BRINP3: variants seen among roughly 807,000 people sequenced by gnomAD.
BRINP3 encodes the protein BMP/retinoic acid inducible neural specific 3, also known as BMP/retinoic acid-inducible neural-specific protein 3.
A neutral mutation model predicts 71.0 loss-of-function variants in BRINP3; 19 were observed. The ratio of observed to expected loss-of-function variants is 0.27; its 90% CI spans 0.19 to 0.39. BRINP3 has a LOEUF of 0.39. Among genes scored for constraint, BRINP3 ranks in the 10% least tolerant of loss-of-function variants. BRINP3 has a pLI of 1.00. For missense variants in BRINP3, 959 were observed against 940.8 expected (o/e 1.02, Z -0.25); for synonymous variants, 380 against 337.7 (o/e 1.13, Z -1.37).
At chr1:190,442,775 TTGTG>T (rs912399268) in intron 2 of BRINP3, among the ~76,000 whole-genome samples, 2 of 148,964 alleles carry the variant, frequency 1.3e-5, no homozygotes, top group African/African-American at 2.5e-5. Flanking sequence ...TGTGGTTACT[TTGTG>T]TGTATTTTCT....
At chr1:190,136,344 G>C (rs572114457) in intron 7 of BRINP3, among the ~76,000 whole-genome samples, 1 of 151,990 alleles carries the variant, frequency 6.6e-6, no homozygotes, top group Non-Finnish European at 1.5e-5. Flanking sequence ...GGGTTGATTT[G>C]GGTTGCTGGG....
rs563328016 is a variant in BRINP3 at position 190,158,494 on chromosome 1, A to G, written c.1184+2174T>C. Among the ~76,000 whole-genome samples, 13 of 152,208 alleles carry G rather than the reference A, an allele frequency of 8.5e-5. No individual in the cohort carries two copies. The South Asian group carries it at 1.0e-3, about 12-fold the overall frequency. Reference sequence around the variant, plus strand: ...GAGAAAGTGAGGGGGCCAATTATTGAAAACCACTGGGTACTATGCTCACTA... The same window carrying G: ...GAGAAAGTGAGGGGGCCAATTATTGGAAACCACTGGGTACTATGCTCACTA... On this transcript the variant is annotated intron_variant, in intron 7 of 7. Transcript: ENST00000367462.
chr1:190,155,465 G>A (rs1656782033), intron 7 of BRINP3, among the ~76,000 whole-genome samples: 1 of 152,024 alleles, frequency 6.6e-6, no homozygotes, highest in Non-Finnish European at 1.5e-5. Context: ...TTTTCCTAAA[G>A]AGTTGTTTGC....
chr1:190,398,495 G>A (rs1220680512), intron 2 of BRINP3, among the ~76,000 whole-genome samples: 4 of 151,872 alleles, frequency 2.6e-5, no homozygotes, highest in Admixed American at 6.6e-5. Context: ...CTGAACAAAT[G>A]AGTATACGCA....
chr1:190,345,866 C>T (rs1219914771), intron 2 of BRINP3, among the ~76,000 whole-genome samples: 1 of 151,822 alleles, frequency 6.6e-6, no homozygotes, highest in Non-Finnish European at 1.5e-5. Context: ...AATTATCTTT[C>T]AGTCCTAAAA....
intron 2 of BRINP3, among the ~76,000 whole-genome samples, chr1:190,313,529 A>G (rs1665674522): frequency 6.6e-6 from 1 of 152,038 alleles, no homozygotes; most frequent in South Asian, 2.1e-4. Flanking sequence ...ATGTGATTTT[A>G]ACAATAATCA....
intron 2 of BRINP3, among the ~76,000 whole-genome samples, chr1:190,369,016 T>C (rs1669687678): frequency 6.6e-6 from 1 of 152,102 alleles, no homozygotes; most frequent in Non-Finnish European, 1.5e-5. Flanking sequence ...AGCCCAGCCC[T>C]CAGTTTGGTC....
intron 2 of BRINP3, among the ~76,000 whole-genome samples, chr1:190,371,632 G>A (rs908742800): frequency 6.6e-6 from 1 of 151,986 alleles, no homozygotes; most frequent in Non-Finnish European, 1.5e-5. Flanking sequence ...TATTCTTTTT[G>A]CTCAATAGTT....
At chr1:190,099,178 T>C (rs1415753932) in intron 7 of BRINP3, 44 bp from the exon 8 acceptor site, 2 of 1,560,836 alleles carry the variant, frequency 1.3e-6, no homozygotes, top group Non-Finnish European at 1.7e-6. Context: ...TACAAAGATA[T>C]TCTGTGTACT....
At chr1:190,376,389 A>C (rs1263170445) in intron 2 of BRINP3, among the ~76,000 whole-genome samples, 1 of 152,100 alleles carries the variant, frequency 6.6e-6, no homozygotes, top group Non-Finnish European at 1.5e-5. Context: ...GGCATAAATA[A>C]ATCAGTGCTG....
At chr1:190,459,389 T>A (rs963489945) in intron 1 of BRINP3, among the ~76,000 whole-genome samples, 3 of 151,842 alleles carry the variant, frequency 2.0e-5, no homozygotes, top group Non-Finnish European at 3.0e-5. Context: ...TACTTTTATC[T>A]AAAATACTGA....
Position 190,339,425 on chromosome 1 carries a change from C to T in BRINP3, c.237-57675G>A, listed in dbSNP as rs563295814. The stretch of plus-strand genomic sequence containing the variant: ...ATCTGTACAAGCTGCACTAGAATCA[C>T]ATCTCAGTTCACTGAGTTAATGACC... On this transcript the variant is annotated intron_variant, in intron 2 of 7. Coordinates refer to ENST00000367462, the MANE Select transcript of BRINP3 (RefSeq NM_199051.3). Among the ~76,000 whole-genome samples the T allele has an allele frequency of 2.6e-5, 4 of 152,110 alleles. No individual in the cohort carries two copies. In the East Asian group the frequency reaches 5.8e-4, roughly 22 times the overall value.
intron 2 of BRINP3, among the ~76,000 whole-genome samples, chr1:190,396,127 T>C (rs1044785933): frequency 1.3e-5 from 2 of 151,820 alleles, no homozygotes; most frequent in Non-Finnish European, 2.9e-5. Context: ...ATTATTGCCA[T>C]TGTGTAGATG....
intron 2 of BRINP3, among the ~76,000 whole-genome samples, chr1:190,369,183 A>G (rs773655469): frequency 2.0e-5 from 3 of 152,180 alleles, no homozygotes; most frequent in Non-Finnish European, 4.4e-5. Flanking sequence ...TAAGTGTTTA[A>G]TATACTGAGA....
At chr1:190,370,742 T>C (rs1446431227) in intron 2 of BRINP3, among the ~76,000 whole-genome samples, 2 of 152,234 alleles carry the variant, frequency 1.3e-5, no homozygotes, top group Admixed American at 1.3e-4. Context: ...TTGCAGCTAC[T>C]CTGATCCTGA....
intron 2 of BRINP3, among the ~76,000 whole-genome samples, chr1:190,379,843 C>G (rs1007498474): frequency 2.0e-5 from 3 of 151,172 alleles, no homozygotes; most frequent in Admixed American, 6.6e-5. Context: ...ACTAAAGATA[C>G]AAAAAATTAC....
intron 6 of BRINP3, among the ~76,000 whole-genome samples, chr1:190,165,394 G>T (rs1487968580): frequency 6.8e-6 from 1 of 148,136 alleles, no homozygotes; most frequent in Admixed American, 6.8e-5. Flanking sequence ...CAAAACTTTG[G>T]GGCTTTCCAT....
intron 7 of BRINP3, among the ~76,000 whole-genome samples, chr1:190,141,078 G>A (rs995655014): frequency 3.9e-4 from 60 of 151,962 alleles, no homozygotes; most frequent in African/African-American, 1.4e-3. Context: ...AGAATCCCTT[G>A]GCTTTAGCAT....
At chr1:190,421,205 G>T (rs1365804748) in intron 2 of BRINP3, among the ~76,000 whole-genome samples, 1 of 151,346 alleles carries the variant, frequency 6.6e-6, no homozygotes, top group Non-Finnish European at 1.5e-5. Flanking sequence ...TAAGACAAAT[G>T]TTTTGTGTAC....
Sources: gnomAD v4.1 joint callset for allele counts (sites outside exome capture counted in the v4.1 genomes callset) on GRCh38, gnomAD v4.1.1 for gene constraint, MANE v1.5 for transcripts, NCBI Gene and HGNC (gene_info 2026-07-23, HGNC 2026-07-21) for gene names.